CLPTM1: variants seen among roughly 807,000 people sequenced by gnomAD.
CLPTM1 encodes CLPTM1 regulator of GABA type A receptor forward trafficking.
CLPTM1 carries 21 observed loss-of-function variants against 77.3 expected under a neutral mutation model. That is an observed-to-expected ratio of 0.27 (90% CI 0.19 to 0.39). The LOEUF is 0.39. Ranked by LOEUF, CLPTM1 falls within the 10% of genes least tolerant of loss-of-function variation. CLPTM1 has a pLI of 1.00. For synonymous variants in CLPTM1, 373 were observed against 381.0 expected (o/e 0.98, Z 0.24); for missense variants, 642 against 921.2 (o/e 0.70, Z 3.92).
chr19:44,988,274 C>G, intron 9 of CLPTM1, 101 bp downstream of exon 9: 1 of 878,286 alleles, frequency 1.1e-6, no homozygotes, highest in South Asian at 1.4e-5. Context: ...CTCCCCCTGC[C>G]TGGGGTCTCT....
At position 44,972,278 on chromosome 19, in the gene CLPTM1, C is replaced by T. The variant is rs187075181; in HGVS notation, c.186-809C>T. Among the ~76,000 whole-genome samples, 1,346 of 150,620 alleles carry T rather than the reference C, an allele frequency of 8.9e-3. 25 individuals carry two copies. Among genetic ancestry groups the T allele is most frequent in the African/African-American group, 0.031 (1,259 of 40,918 alleles). ...TCTTTTTTTTTTTGAGATGGAGTCT[C>T]GCTCTGTTGCCCAGGCTGGAGTGCA... On this transcript the variant is annotated intron_variant, in intron 2 of 13. Coordinates refer to ENST00000337392, the MANE Select transcript of CLPTM1 (RefSeq NM_001294.4).
chr19:44,960,689 G>T (rs1970530778), intron 1 of CLPTM1, among the ~76,000 whole-genome samples: 2 of 152,346 alleles, frequency 1.3e-5, no homozygotes, highest in South Asian at 4.1e-4. Context: ...TTGCAGAGGA[G>T]TGGACTAGGG....
rs200825672 is a variant in CLPTM1 at position 44,990,960 on chromosome 19, C to T, written c.1419+15C>T. ...TGTATGATGATGTGAGTGTCCTGCA[C>T]AGTGGGCCCCTGGGGGTGGTCTCCA... On this transcript the variant is annotated intron_variant, in intron 11 of 13. Transcript: ENST00000337392. This position sits in a 1 kb window ranked among gnomAD's most constrained non-coding sequence, Gnocchi z 4.8. 31 of 1,575,538 alleles carry T rather than the reference C, an allele frequency of 2.0e-5. No homozygotes were observed. The South Asian group carries it at 3.2e-4, about 16-fold the overall frequency.
rs372681795 is a variant in CLPTM1, at chr19:44,966,831, A to ATC, written c.185+4774_185+4775dup. On this transcript the variant is annotated intron_variant, in intron 2 of 13. Coordinates refer to ENST00000337392, the MANE Select transcript of CLPTM1 (RefSeq NM_001294.4). ...GCCTGAGCAACACAGTAAGACCCCC[A>ATC]TCTCTCTCTCTCTCTCTCTTTTTTT... Among the ~76,000 whole-genome samples, 1,036 of 147,214 alleles carry ATC rather than the reference A, an allele frequency of 7.0e-3. 11 individuals are homozygous for ATC. Among genetic ancestry groups the ATC allele is most frequent in the African/African-American group, 0.023 (923 of 40,290 alleles).
rs552872185 is a variant in CLPTM1 at position 44,992,951 on chromosome 19, C to T, written c.*54C>T. On this transcript the variant is annotated 3_prime_UTR_variant, in exon 14 of 14. Coordinates refer to ENST00000337392, the MANE Select transcript of CLPTM1 (RefSeq NM_001294.4). The surrounding 1 kb of genome is among the most constrained non-coding windows in gnomAD (Gnocchi z 7.7). ...CCTGGCGACCACTACCCCTGCGTCCCGGCCCCCTCGCCTCCCCTCCCTGTC... is the reference window on the plus strand; with the variant it reads ...CCTGGCGACCACTACCCCTGCGTCCTGGCCCCCTCGCCTCCCCTCCCTGTC... 1.3e-5 allele frequency: 21 copies of T among 1,569,514 alleles called. No individual in the cohort carries two copies. Among genetic ancestry groups the T allele is most frequent in the South Asian group, 1.0e-4 (9 of 87,820 alleles).
rs760499739 is a variant in CLPTM1 at position 44,955,423 on chromosome 19, G to A, written c.28G>A (p.Ala10Thr). 1.9e-5 allele frequency: 25 copies of A among 1,341,234 alleles called. No homozygotes were observed. Among genetic ancestry groups the A allele is most frequent in the South Asian group, 4.3e-5 (2 of 46,632 alleles). The allele number at this position is 1,341,234 out of a possible 1,614,324, so 83.1% of individuals were successfully genotyped here. A position where few individuals can be genotyped will look rare whatever the true frequency, so the allele number is the denominator to read the frequency against. ...GGCGGCGGCGCAGGAGGCGGACGGGGCCCGCAGCGCCGTGGTGGCGGCCGG... is the reference window on the plus strand; with the variant it reads ...GGCGGCGGCGCAGGAGGCGGACGGGACCCGCAGCGCCGTGGTGGCGGCCGG... Reference protein sequence around the residue: MAAAQEADGARSAVVAAGGG... With the variant: MAAAQEADGTRSAVVAAGGG... Residue 10 changes from alanine (A) to threonine (T), a missense_variant, in exon 1 of 14, where the codon GCC (alanine) becomes ACC (threonine). Around this residue, in one of 2 missense-constraint regions of CLPTM1, gnomAD observed 121 missense variants for 120.8 expected, o/e 1.00. Transcript: ENST00000337392.
chr19:44,969,243 C>T (rs747883029), intron 2 of CLPTM1, among the ~76,000 whole-genome samples: 5 of 152,030 alleles, frequency 3.3e-5, no homozygotes, highest in Non-Finnish European at 7.3e-5. Context: ...TATAAACTAC[C>T]CTATGAGAGT....
chr19:44,973,849 T>C (rs895286426), intron 3 of CLPTM1, among the ~76,000 whole-genome samples: 6 of 143,880 alleles, frequency 4.2e-5, no homozygotes, highest in Admixed American at 7.2e-5. Context: ...CTGCAACCTC[T>C]GCCTCCCGGG....
Position 44,993,103 on chromosome 19 carries a change from C to T in CLPTM1, c.*206C>T, listed in dbSNP as rs1390208404. ...GGAGGCGCTGTCTGTCCCTCTGTCC[C>T]TCTGTGTTTCCAGCCATCTCGCCCT... On this transcript the variant is annotated 3_prime_UTR_variant, in exon 14 of 14. Transcript: ENST00000337392. 2 of 644,040 alleles carry T rather than the reference C, an allele frequency of 3.1e-6. No homozygotes were observed. Among genetic ancestry groups the T allele is most frequent in the Admixed American group, 3.9e-5 (2 of 50,744 alleles). 39.9% of individuals were successfully genotyped at this position (644,040 alleles called of 1,614,324 possible). A position where few individuals can be genotyped will look rare whatever the true frequency, so the allele number is the denominator to read the frequency against.
At chr19:44,982,266 T>G (rs902339796) in intron 5 of CLPTM1, among the ~76,000 whole-genome samples, 1 of 151,946 alleles carries the variant, frequency 6.6e-6, no homozygotes, top group Non-Finnish European at 1.5e-5. Context: ...GGAGAATCAC[T>G]TGAACCCAGA....
chr19:44,988,214 G>A, intron 9 of CLPTM1, 41 bp downstream of exon 9: 2 of 1,442,798 alleles, frequency 1.4e-6, no homozygotes, highest in Non-Finnish European at 2.0e-6. Flanking sequence ...GCTGTGCAGG[G>A]TGGGGGACAG....
chr19:44,987,180 T>C lies in CLPTM1; in HGVS notation c.795T>C (p.Tyr265=). ...GTGCCCCTGCCCCACGTGCTGCAGATGTGAAGTTCGACGCCGTGAGCGGTG... is the reference window on the plus strand; with the variant it reads ...GTGCCCCTGCCCCACGTGCTGCAGACGTGAAGTTCGACGCCGTGAGCGGTG... The part of the protein sequence containing the change: ...KGSVPPPLDQ[Y]VKFDAVSGDY... The change falls in exon 8 of 14, where the codon TAT becomes TAC. Residue 265 remains tyrosine, a splice_region_variant and synonymous_variant. Coordinates refer to ENST00000337392, the MANE Select transcript of CLPTM1 (RefSeq NM_001294.4). The C allele has an allele frequency of 1.2e-6, 2 of 1,608,074 alleles. No homozygotes were observed. The highest frequency in any genetic ancestry group is 1.7e-6 in the Non-Finnish European group (2 of 1,175,228).
chr19:44,972,833 G>T (rs528638675), intron 2 of CLPTM1, among the ~76,000 whole-genome samples: 1 of 151,866 alleles, frequency 6.6e-6, no homozygotes, highest in Non-Finnish European at 1.5e-5. Context: ...TCAAGGGTCT[G>T]CATGCAGACC....
At chr19:44,955,366 G>A (rs1178635854), upstream of CLPTM1, 77 of 1,280,380 alleles carry the variant, frequency 6.0e-5, no homozygotes, top group Non-Finnish European at 7.7e-5. Context: ...GGCGGGGCTG[G>A]CGGCGGGGGC....
intron 6 of CLPTM1, 123 bp downstream of exon 6, chr19:44,985,426 C>A: frequency 1.5e-6 from 1 of 667,600 alleles, no homozygotes; most frequent in Non-Finnish European, 2.7e-6. Flanking sequence ...GGTCATGCCA[C>A]CTCCCCTCCC....
chr19:44,980,755 C>A (rs866344666), intron 5 of CLPTM1, among the ~76,000 whole-genome samples: 6 of 151,804 alleles, frequency 4.0e-5, no homozygotes, highest in Middle Eastern at 3.4e-3. Flanking sequence ...GAGTTTGAGG[C>A]CAGCCCTGGC....
chr19:44,963,207 C>CAAAAAAAAAA (rs778157562), intron 2 of CLPTM1, among the ~76,000 whole-genome samples: 2 of 29,052 alleles, frequency 6.9e-5, no homozygotes, highest in Non-Finnish European at 1.2e-4. Flanking sequence ...GACTCCATCT[C>CAAAAAAAAAA]AAAAAAAAAA....
intron 5 of CLPTM1, among the ~76,000 whole-genome samples, chr19:44,978,358 T>G (rs572576761): frequency 2.2e-4 from 33 of 148,900 alleles, no homozygotes; most frequent in Non-Finnish European, 3.3e-4. Context: ...TGAGCTGAGA[T>G]CACGCCATTG....
Position 44,990,891 on chromosome 19 carries a change from A to G in CLPTM1, c.1365A>G (p.Leu455=). 3 of 1,613,990 alleles carry G rather than the reference A, an allele frequency of 1.9e-6. No individual in the cohort carries two copies. The highest frequency in any genetic ancestry group is 1.1e-5 in the South Asian group (1 of 91,078). The change falls in exon 11 of 14, where the codon CTA becomes CTG. Residue 455 remains leucine (L), a synonymous_variant. Coordinates refer to ENST00000337392, the MANE Select transcript of CLPTM1 (RefSeq NM_001294.4). The surrounding 1 kb of genome is among the most constrained non-coding windows in gnomAD (Gnocchi z 4.8). ...GGGTGGCAGGAATCTTCCCCCGCCT[A>G]TCCTTCAAGGACAAGTCCACGTATA... ...EHRVAGIFPR[L]SFKDKSTYIE... is the part of the protein sequence containing the mutation.
Sources: gnomAD v4.1 joint callset for allele counts (sites outside exome capture counted in the v4.1 genomes callset) on GRCh38, gnomAD v4.1.1 for gene constraint, gnomAD v4.1.1 regional missense constraint, Gnocchi (gnomAD v3.1) non-coding constraint, MANE v1.5 for transcripts, NCBI Gene and HGNC (gene_info 2026-07-23, HGNC 2026-07-21) for gene names.